CNOT4: variants seen among roughly 807,000 people sequenced by gnomAD.
CNOT4 encodes the protein CCR4-NOT transcription complex subunit 4.
A neutral mutation model predicts 73.8 loss-of-function variants in CNOT4; 8 were observed. The ratio of observed to expected loss-of-function variants is 0.11; its 90% confidence interval spans 0.06 to 0.20. The LOEUF is 0.20. Ranked by LOEUF, CNOT4 falls within the 10% of genes least tolerant of loss-of-function variation. The probability of loss-of-function intolerance (pLI) is 1.00; values close to 1 mark genes in which losing one functional copy is unlikely to be tolerated. For missense variants in CNOT4, 564 were observed against 883.4 expected (o/e 0.64, Z 4.58); for synonymous variants, 293 against 321.1 (o/e 0.91, Z 0.94).
At chr7:135,440,736 T>C (rs1417490246) in intron 1 of CNOT4, among the ~76,000 whole-genome samples, 1 of 152,048 alleles carries the variant, frequency 6.6e-6, no homozygotes, top group East Asian at 1.9e-4. Flanking sequence ...CTGGCCAACA[T>C]GGTGAAATCC....
intron 1 of CNOT4, among the ~76,000 whole-genome samples, chr7:135,495,094 CAA>C (rs766856412): frequency 1.3e-5 from 2 of 152,290 alleles, no homozygotes; most frequent in East Asian, 3.9e-4. Flanking sequence ...AAATATTAAG[CAA>C]AGTTTCCCAA....
Position 135,449,397 on chromosome 7 carries a change from AAAAG to A in CNOT4, c.-92-10978_-92-10975del, listed in dbSNP as rs1260297726. ...TGTATATTTCCTTTTTCAAAGTTTT[AAAAG>A]AAAGAGACACTAGCTGCAAATTTCC... On this transcript the variant is annotated intron_variant, in intron 1 of 11. Transcript: ENST00000541284. 1.7e-4 allele frequency among the ~76,000 whole-genome samples: 26 copies of A among 152,316 alleles called. 1 individual carries two copies. The East Asian group carries it at 1.7e-3, about 10-fold the overall frequency.
chr7:135,493,246 G>C (rs1438991807), intron 1 of CNOT4, among the ~76,000 whole-genome samples: 2 of 152,130 alleles, frequency 1.3e-5, no homozygotes, highest in African/African-American at 4.8e-5. Context: ...GGCTAGGCTA[G>C]CCTTGAACTG....
chr7:135,436,981 A>T (rs1799193475), intron 2 of CNOT4, among the ~76,000 whole-genome samples: 1 of 152,210 alleles, frequency 6.6e-6, no homozygotes, highest in African/African-American at 2.4e-5. Context: ...CATTAAAGAA[A>T]AGGCAAATTC....
intron 2 of CNOT4, among the ~76,000 whole-genome samples, chr7:135,424,645 C>A (rs933590609): frequency 6.6e-6 from 1 of 151,890 alleles, no homozygotes; most frequent in Admixed American, 6.6e-5. Context: ...AAAAACTAGC[C>A]GGGTGTGGTA....
chr7:135,472,066 G>C (rs1241761143), intron 1 of CNOT4, among the ~76,000 whole-genome samples: 1 of 151,778 alleles, frequency 6.6e-6, no homozygotes, highest in East Asian at 1.9e-4. Flanking sequence ...CCAGCTACTT[G>C]GGGGGCTGAG....
chr7:135,432,883 T>A (rs1304557009), intron 2 of CNOT4, among the ~76,000 whole-genome samples: 5 of 152,244 alleles, frequency 3.3e-5, no homozygotes, highest in Non-Finnish European at 7.3e-5. Context: ...TTGAGAAATC[T>A]GAAACGATTC....
At chr7:135,380,921 T>C (rs1795812428) in intron 10 of CNOT4, among the ~76,000 whole-genome samples, 1 of 152,222 alleles carries the variant, frequency 6.6e-6, no homozygotes, top group South Asian at 2.1e-4. Flanking sequence ...TTTTAAGTTA[T>C]CCTTTCCTTG....
chr7:135,388,540 ATTTT>A (rs1796239289), intron 10 of CNOT4: 1 of 1,067,106 alleles, frequency 9.4e-7, no homozygotes, highest in South Asian at 4.3e-5. Context: ...CTACAAGTTT[ATTTT>A]TATGAGTTAG....
intron 1 of CNOT4, among the ~76,000 whole-genome samples, chr7:135,486,501 C>A (rs1802729603): frequency 1.3e-5 from 2 of 152,196 alleles, no homozygotes; most frequent in Admixed American, 6.5e-5. Context: ...TTACCAGTTT[C>A]TTTGAAAACT....
intron 1 of CNOT4, among the ~76,000 whole-genome samples, chr7:135,508,675 A>G (rs1159439079): frequency 6.6e-6 from 1 of 152,240 alleles, no homozygotes; most frequent in African/African-American, 2.4e-5. Flanking sequence ...AATGTCATCA[A>G]TTAAGCTGAA....
intron 10 of CNOT4, among the ~76,000 whole-genome samples, chr7:135,393,312 G>T (rs564912043): frequency 3.3e-5 from 5 of 152,248 alleles, no homozygotes; most frequent in Non-Finnish European, 7.4e-5. Flanking sequence ...AAACATGGCA[G>T]ATCAAATGGG....
Position 135,413,519 on chromosome 7 carries a change from T to G in CNOT4, c.656A>C (p.Glu219Ala), listed in dbSNP as rs1797689973. The part of the protein sequence containing the change: ...DCMYLHELGD[E>A]AASFTKEEMQ... ...TTCCTCTTTTGTGAAGCTGGCCGCCTCATCCCCCAATTCATGAAGATACAT... is the reference window on the plus strand; with the variant it reads ...TTCCTCTTTTGTGAAGCTGGCCGCCGCATCCCCCAATTCATGAAGATACAT... Residue 219 changes from glutamate to alanine, a missense_variant, in exon 6 of 12, where the codon GAG (glutamate) becomes GCG (alanine). Glu to Ala is a moderately radical substitution (Grantham distance 107). This residue lies in a region of CNOT4 where 14 missense variants were observed against 69.5 expected (regional missense o/e 0.20). Transcript: ENST00000541284. 1.2e-6 allele frequency: 2 copies of G among 1,611,950 alleles called. No individual in the cohort carries two copies. The highest frequency in any genetic ancestry group is 2.7e-5 in the African/African-American group (2 of 74,796).
intron 10 of CNOT4, among the ~76,000 whole-genome samples, chr7:135,370,744 T>C (rs1429620913): frequency 2.0e-5 from 3 of 152,232 alleles, no homozygotes; most frequent in Non-Finnish European, 4.4e-5. Context: ...AATTCCTATC[T>C]GTATAATGCT....
chr7:135,430,644 C>T (rs529438273), intron 2 of CNOT4, among the ~76,000 whole-genome samples: 2 of 151,828 alleles, frequency 1.3e-5, no homozygotes, highest in African/African-American at 4.8e-5. Context: ...GACCCTATCG[C>T]TTTAAAAAAA....
intron 1 of CNOT4, among the ~76,000 whole-genome samples, chr7:135,472,031 G>A (rs1008871677): frequency 1.3e-5 from 2 of 152,060 alleles, no homozygotes; most frequent in Non-Finnish European, 2.9e-5. Context: ...AAATTAGCCA[G>A]GTGTGGTGGC....
At chr7:135,386,221 C>T (rs1585565446) in intron 10 of CNOT4, 1 of 145,924 alleles carries the variant, frequency 6.9e-6, no homozygotes, top group East Asian at 2.0e-4. Context: ...AACTATGGAT[C>T]TTCTCCCTAG....
At position 135,482,978 on chromosome 7, in the gene CNOT4, C is replaced by T. The variant is rs1005404383; in HGVS notation, c.-93+26911G>A. Among the ~76,000 whole-genome samples the T allele has an allele frequency of 9.0e-5, 11 of 122,868 alleles. No homozygotes were observed. The Admixed American group carries it at 9.8e-4, about 11-fold the overall frequency. The allele number at this position is 122,868 out of a possible 152,430, so 80.6% of individuals were successfully genotyped here. A position where few individuals can be genotyped will look rare whatever the true frequency, so the allele number is the denominator to read the frequency against. Reference sequence around the variant, plus strand: ...TTCAGCCTGGGCAACTAGAGCGAGACTCCATATCAAAAAAAAAAAAAAAAA... The same window carrying T: ...TTCAGCCTGGGCAACTAGAGCGAGATTCCATATCAAAAAAAAAAAAAAAAA... On this transcript the variant is annotated intron_variant, in intron 1 of 11. Coordinates refer to ENST00000541284, the MANE Select transcript of CNOT4 (RefSeq NM_001190850.2).
chr7:135,476,857 C>G (rs576134252), intron 1 of CNOT4, among the ~76,000 whole-genome samples: 6 of 152,198 alleles, frequency 3.9e-5, no homozygotes, highest in African/African-American at 1.2e-4. Context: ...GTCTGTAGTC[C>G]CAGCTACTCA....
Sources: gnomAD v4.1 joint callset for allele counts (sites outside exome capture counted in the v4.1 genomes callset) on GRCh38, gnomAD v4.1.1 for gene constraint, gnomAD v4.1.1 regional missense constraint, MANE v1.5 for transcripts, NCBI Gene and HGNC (gene_info 2026-07-23, HGNC 2026-07-21) for gene names.